Variants in GPC5 observed in about 807,000 individuals in gnomAD.
GPC5 encodes glypican-5.
In GPC5, 47 loss-of-function variants were observed where a neutral mutation model predicts 53.9. The ratio of observed to expected loss-of-function variants is 0.87; its 90% CI spans 0.69 to 1.11. GPC5 has a LOEUF of 1.11. Ranked by LOEUF, GPC5 falls within the 50% of genes most tolerant of loss-of-function variation. The pLI, the probability that GPC5 is intolerant of heterozygous loss-of-function variation, is 0.00. For missense variants in GPC5, 748 were observed against 713.1 expected (o/e 1.05, Z -0.56); for synonymous variants, 286 against 263.3 (o/e 1.09, Z -0.84).
In GPC5 at chr13:92,695,588, T is replaced by A. The variant is rs973717141; in HGVS notation, c.1562-170694T>A. Among the ~76,000 whole-genome samples, 5 of 152,158 alleles carry A rather than the reference T, an allele frequency of 3.3e-5. No homozygotes were observed. The East Asian group carries it at 9.6e-4, about 29-fold the overall frequency. ...AGAAGTGATATTGATGATCATCGTA[T>A]CTTTTCCCTTAATTAAAGGGAATGC... On this transcript the variant is annotated intron_variant, in intron 7 of 7. Coordinates refer to ENST00000377067, the MANE Select transcript of GPC5 (RefSeq NM_004466.6).
At chr13:91,893,516 A>T (rs944670456) in intron 5 of GPC5, among the ~76,000 whole-genome samples, 1 of 152,106 alleles carries the variant, frequency 6.6e-6, no homozygotes, top group African/African-American at 2.4e-5. Flanking sequence ...AAACATGTGC[A>T]TGTGTATGAA....
intron 7 of GPC5, among the ~76,000 whole-genome samples, chr13:92,600,366 T>C (rs1484395725): frequency 6.6e-6 from 1 of 152,246 alleles, no homozygotes; most frequent in Non-Finnish European, 1.5e-5. Context: ...TTGGAACTTA[T>C]TTCTCACATT....
chr13:92,043,990 T>G (rs533744138), intron 6 of GPC5, among the ~76,000 whole-genome samples: 1 of 152,186 alleles, frequency 6.6e-6, no homozygotes, highest in East Asian at 1.9e-4. Context: ...TTTGACTTCT[T>G]CTTCTGGAAT....
intron 2 of GPC5, among the ~76,000 whole-genome samples, chr13:91,608,545 C>A (rs76058562): frequency 2.6e-5 from 4 of 152,084 alleles, no homozygotes; most frequent in Non-Finnish European, 5.9e-5. Context: ...TTATTTGTCC[C>A]TTATGGGTGC....
intron 6 of GPC5, among the ~76,000 whole-genome samples, chr13:91,939,439 C>T (rs924346470): frequency 1.3e-5 from 2 of 152,152 alleles, no homozygotes; most frequent in East Asian, 3.9e-4. Context: ...AATTCTCTTT[C>T]TACCATACAT....
At chr13:91,723,332 C>A (rs949280442) in intron 3 of GPC5, among the ~76,000 whole-genome samples, 1 of 151,884 alleles carries the variant, frequency 6.6e-6, no homozygotes, top group African/African-American at 2.4e-5. Flanking sequence ...TTTATGATTT[C>A]ATCTATTTGC....
chr13:92,475,157 T>C (rs1879059117), intron 7 of GPC5, among the ~76,000 whole-genome samples: 1 of 151,994 alleles, frequency 6.6e-6, no homozygotes. Context: ...CTTTGTTCTT[T>C]TGGCTTAGGA....
intron 2 of GPC5, among the ~76,000 whole-genome samples, chr13:91,454,750 T>G (rs867820233): frequency 1.3e-5 from 2 of 152,062 alleles, no homozygotes; most frequent in Non-Finnish European, 2.9e-5. Context: ...TCTGTTAGCA[T>G]AAAGGAAGAA....
At position 91,552,967 on chromosome 13, in the gene GPC5, G is replaced by A. The variant is rs184648209; in HGVS notation, c.325+104045G>A. 6.6e-5 allele frequency among the ~76,000 whole-genome samples: 10 copies of A among 152,128 alleles called. No individual in the cohort carries two copies. The East Asian group carries it at 1.9e-3, about 29-fold the overall frequency. ...GAATACATCTTAAAGTTGAGGCATG[G>A]TATTAAATTTAATGGTGCATCATGG... On this transcript the variant is annotated intron_variant, in intron 2 of 7. Transcript: ENST00000377067.
At chr13:91,838,763 T>C (rs1386317354) in intron 5 of GPC5, among the ~76,000 whole-genome samples, 1 of 152,162 alleles carries the variant, frequency 6.6e-6, no homozygotes, top group Non-Finnish European at 1.5e-5. Context: ...GGTCAGAAGC[T>C]CAGGGAGAAT....
chr13:92,742,428 G>T (rs1330812349), intron 7 of GPC5, among the ~76,000 whole-genome samples: 4 of 151,950 alleles, frequency 2.6e-5, no homozygotes, highest in African/African-American at 9.7e-5. Context: ...TTTTTCATGG[G>T]GTTGTTTGTT....
chr13:92,752,613 CGCAGGTCAGTGGGT>C (rs1188758923), intron 7 of GPC5, among the ~76,000 whole-genome samples: 1 of 151,960 alleles, frequency 6.6e-6, no homozygotes, highest in Non-Finnish European at 1.5e-5. Flanking sequence ...AGACAGTGGG[CGCAGGTCAGTGGGT>C]GCGCGCACCG....
chr13:92,181,351 G>C (rs1029960292), intron 7 of GPC5, among the ~76,000 whole-genome samples: 2 of 151,772 alleles, frequency 1.3e-5, no homozygotes, highest in African/African-American at 4.9e-5. Flanking sequence ...TTCTCAGAAT[G>C]TAGTTTGTGT....
chr13:91,544,354 T>G (rs2138771607), intron 2 of GPC5, among the ~76,000 whole-genome samples: 1 of 152,286 alleles, frequency 6.6e-6, no homozygotes, highest in Admixed American at 6.5e-5. Flanking sequence ...TTCTTGAAAA[T>G]ACTACAGTTA....
intron 7 of GPC5, among the ~76,000 whole-genome samples, chr13:92,398,428 C>CAAAAAAAAAAAAAAA (rs35873316): frequency 3.1e-3 from 274 of 87,542 alleles, no homozygotes; most frequent in Middle Eastern, 6.0e-3. Flanking sequence ...GACTCCGTCT[C>CAAAAAAAAAAAAAAA]AAAAAAAAAA....
intron 2 of GPC5, among the ~76,000 whole-genome samples, chr13:91,625,778 C>T (rs2033982862): frequency 6.6e-6 from 1 of 152,006 alleles, no homozygotes; most frequent in Non-Finnish European, 1.5e-5. Context: ...ACTGTACATC[C>T]TTTATATATA....
chr13:92,761,235 T>G (rs1359635741), intron 7 of GPC5, among the ~76,000 whole-genome samples: 1 of 152,140 alleles, frequency 6.6e-6, no homozygotes, highest in Non-Finnish European at 1.5e-5. Flanking sequence ...CAGGCATAAT[T>G]ATAGCACACT....
intron 7 of GPC5, among the ~76,000 whole-genome samples, chr13:92,561,365 T>C (rs946561377): frequency 7.2e-5 from 11 of 152,046 alleles, no homozygotes; most frequent in Non-Finnish European, 1.0e-4. Flanking sequence ...GGTCTCTGGC[T>C]CATTATCTCA....
At chr13:91,999,718 G>A (rs1005994272) in intron 6 of GPC5, among the ~76,000 whole-genome samples, 4 of 152,104 alleles carry the variant, frequency 2.6e-5, no homozygotes, top group African/African-American at 9.7e-5. Flanking sequence ...ATCTCATCAT[G>A]TTTGTCAGAA....
Sources: allele counts gnomAD v4.1 joint callset (sites outside exome capture counted in the v4.1 genomes callset), GRCh38; gene constraint gnomAD v4.1.1; transcripts MANE v1.5; gene names NCBI Gene and HGNC (gene_info 2026-07-23, HGNC 2026-07-21).